The following MACROD2 variants were observed in gnomAD, a reference collection of about 807,000 sequenced individuals.
MACROD2 encodes the protein mono-ADP ribosylhydrolase 2, also known as ADP-ribose glycohydrolase MACROD2.
A neutral mutation model predicts 70.4 loss-of-function variants in MACROD2; 36 were observed. The observed-to-expected ratio is 0.51, with a 90% CI of 0.39 to 0.68. The LOEUF (loss-of-function observed/expected upper bound fraction) is 0.68, where lower values mean the gene tolerates loss of function less well. MACROD2 is among the 30% of genes least tolerant of loss of function. The probability of loss-of-function intolerance (pLI) is 0.00; values close to 1 mark genes in which losing one functional copy is unlikely to be tolerated. For synonymous variants in MACROD2, 172 were observed against 178.8 expected (o/e 0.96, Z 0.30); for missense variants, 496 against 538.4 (o/e 0.92, Z 0.78).
At chr20:15,648,361 C>T (rs117892788) in intron 8 of MACROD2, among the ~76,000 whole-genome samples, 1 of 152,334 alleles carries the variant, frequency 6.6e-6, no homozygotes, top group East Asian at 1.9e-4. Flanking sequence ...CAGGACTCCA[C>T]AGGACCTTGG....
intron 7 of MACROD2, among the ~76,000 whole-genome samples, chr20:15,496,246 G>T (rs2047296311): frequency 6.6e-6 from 1 of 152,248 alleles, no homozygotes; most frequent in African/African-American, 2.4e-5. Context: ...TGAGAGAGCT[G>T]TTTAAATCAG....
At chr20:14,066,938 A>T (rs919979049) in intron 2 of MACROD2, among the ~76,000 whole-genome samples, 5 of 149,904 alleles carry the variant, frequency 3.3e-5, no homozygotes, top group Non-Finnish European at 5.9e-5. Context: ...CAGCCTCCCG[A>T]GTAGCTGGGA....
intron 5 of MACROD2, among the ~76,000 whole-genome samples, chr20:15,110,086 C>T (rs17272772): frequency 0.07 from 10,614 of 152,136 alleles, 451 homozygotes; most frequent in Middle Eastern, 0.14. Context: ...AAATACCATT[C>T]TAAGTGGTCT....
At chr20:14,807,014 C>CT (rs2072647490) in intron 5 of MACROD2, among the ~76,000 whole-genome samples, 1 of 152,256 alleles carries the variant, frequency 6.6e-6, no homozygotes, top group Middle Eastern at 3.4e-3. Flanking sequence ...GTAGGCACAG[C>CT]TTTAGCAGAC....
intron 4 of MACROD2, among the ~76,000 whole-genome samples, chr20:14,523,970 G>C (rs1402012451): frequency 1.3e-5 from 2 of 152,170 alleles, no homozygotes; most frequent in African/African-American, 4.8e-5. Context: ...TGTTCATCTA[G>C]AGTTAATCTG....
intron 7 of MACROD2, among the ~76,000 whole-genome samples, chr20:15,444,018 A>G (rs189801175): frequency 4.4e-4 from 67 of 152,294 alleles, no homozygotes; most frequent in Non-Finnish European, 7.8e-4. Flanking sequence ...CACAACAACC[A>G]TCATAATCTA....
chr20:14,771,899 CTG>C (rs2072173784), intron 5 of MACROD2, among the ~76,000 whole-genome samples: 1 of 151,928 alleles, frequency 6.6e-6, no homozygotes, highest in Non-Finnish European at 1.5e-5. Context: ...CAAACTCACT[CTG>C]TGTTTTCAAA....
In MACROD2 at chr20:13,995,842, C is replaced by CGGGGGGGGGGGGGG; in HGVS notation, c.46+35_46+36insGGGGGGGGGGGGGG. ...GCCCGTCGAGTCCTGGGGGTGCGGGCGGTGGGGGTTAGGGTGGGGGCGGGG... is the reference window on the plus strand; with the variant it reads ...GCCCGTCGAGTCCTGGGGGTGCGGGCGGGGGGGGGGGGGGGGTGGGGGTTAGGGTGGGGGCGGGG... On this transcript the variant is annotated intron_variant, in intron 1 of 17. Coordinates refer to ENST00000684519, the MANE Select transcript of MACROD2 (RefSeq NM_001351661.2). This position sits in a 1 kb window ranked among gnomAD's most constrained non-coding sequence, Gnocchi z 4.3. 1 of 340,944 alleles carries CGGGGGGGGGGGGGG rather than the reference C, an allele frequency of 2.9e-6. No homozygotes were observed. Among genetic ancestry groups the CGGGGGGGGGGGGGG allele is most frequent in the Non-Finnish European group, 5.5e-6 (1 of 182,438 alleles). The allele number at this position is 340,944 out of a possible 1,614,324, so 21.1% of individuals were successfully genotyped here. A position where few individuals can be genotyped will look rare whatever the true frequency, so the allele number is the denominator to read the frequency against.
chr20:15,203,677 ATCT>A, intron 5 of MACROD2, among the ~76,000 whole-genome samples: 1 of 151,942 alleles, frequency 6.6e-6, no homozygotes, highest in Non-Finnish European at 1.5e-5. Context: ...AGATAATTTA[ATCT>A]TCTAGTCCAA....
intron 5 of MACROD2, among the ~76,000 whole-genome samples, chr20:15,215,745 T>C (rs935730175): frequency 2.0e-5 from 3 of 151,856 alleles, no homozygotes; most frequent in African/African-American, 7.3e-5. Flanking sequence ...AAAGTAGAAG[T>C]TATAAAAATG....
chr20:14,038,327 C>T (rs952400660), intron 2 of MACROD2, among the ~76,000 whole-genome samples: 18 of 152,130 alleles, frequency 1.2e-4, no homozygotes, highest in African/African-American at 3.4e-4. Context: ...GTATTAGACA[C>T]ATAAAGCACT....
rs551449685 is a variant in MACROD2, at chr20:14,627,902, G to A, written c.302-56941G>A. On this transcript the variant is annotated intron_variant, in intron 4 of 17. Transcript: ENST00000684519. ...CCTTAAGGACCTGATGGACAAAAGG[G>A]AAAAGCAGATAAATTAATAGACAGT... Among the ~76,000 whole-genome samples the A allele has an allele frequency of 5.9e-5, 9 of 152,288 alleles. No individual in the cohort carries two copies. The East Asian group carries it at 1.7e-3, about 29-fold the overall frequency.
At chr20:14,889,734 T>C (rs1026335840) in intron 5 of MACROD2, among the ~76,000 whole-genome samples, 1 of 152,054 alleles carries the variant, frequency 6.6e-6, no homozygotes, top group Non-Finnish European at 1.5e-5. Flanking sequence ...TATGGGCAGA[T>C]TATGTAGGGC....
intron 5 of MACROD2, among the ~76,000 whole-genome samples, chr20:15,099,856 G>C (rs1293514066): frequency 6.6e-6 from 1 of 151,934 alleles, no homozygotes; most frequent in Non-Finnish European, 1.5e-5. Context: ...TAGAAATATG[G>C]ATGGTAAAGG....
chr20:14,880,294 A>G (rs1180360550), intron 5 of MACROD2, among the ~76,000 whole-genome samples: 1 of 152,202 alleles, frequency 6.6e-6, no homozygotes, highest in Non-Finnish European at 1.5e-5. Flanking sequence ...TTACAAAATC[A>G]ATTTTATCTT....
intron 4 of MACROD2, among the ~76,000 whole-genome samples, chr20:14,644,333 A>G (rs895928688): frequency 1.3e-5 from 2 of 152,206 alleles, no homozygotes; most frequent in African/African-American, 4.8e-5. Context: ...GTGAGTGCCA[A>G]TCTTCAAAAG....
intron 2 of MACROD2, among the ~76,000 whole-genome samples, chr20:14,005,740 A>G (rs893439503): frequency 6.6e-6 from 1 of 152,034 alleles, no homozygotes; most frequent in Non-Finnish European, 1.5e-5. Flanking sequence ...AGCTGGGATT[A>G]TAGATGCGTG....
chr20:15,231,667 C>T (rs751061619), intron 6 of MACROD2, among the ~76,000 whole-genome samples: 15 of 152,020 alleles, frequency 9.9e-5, no homozygotes, highest in Non-Finnish European at 1.9e-4. Context: ...CTGTAATTAT[C>T]TTAAAACAAT....
chr20:15,159,526 A>G (rs1010304888), intron 5 of MACROD2, among the ~76,000 whole-genome samples: 1 of 152,086 alleles, frequency 6.6e-6, no homozygotes, highest in African/African-American at 2.4e-5. Flanking sequence ...TTTTTGGAAG[A>G]TAAGAATAAA....
Sources: allele counts gnomAD v4.1 joint callset (sites outside exome capture counted in the v4.1 genomes callset), GRCh38; gene constraint gnomAD v4.1.1; non-coding constraint Gnocchi (gnomAD v3.1); transcripts MANE v1.5; gene names NCBI Gene and HGNC (gene_info 2026-07-23, HGNC 2026-07-21).